Variants in NCALD observed in about 807,000 individuals in gnomAD.
NCALD encodes neurocalcin-delta.
A neutral mutation model predicts 18.6 loss-of-function variants in NCALD; 10 were observed. That is an observed-to-expected ratio of 0.54 (90% confidence interval 0.33 to 0.91). NCALD has a LOEUF of 0.91. Ranked by LOEUF, NCALD falls within the 40% of genes least tolerant of loss-of-function variation. The pLI is 0.03. For synonymous variants in NCALD, 88 were observed against 87.4 expected (o/e 1.01, Z -0.04); for missense variants, 184 against 247.6 (o/e 0.74, Z 1.72).
chr8:101,770,114 GA>G lies in NCALD; in HGVS notation c.-20+20747del, dbSNP rs1455126172. Among the ~76,000 whole-genome samples the G allele has an allele frequency of 2.0e-5, 3 of 152,288 alleles. No homozygotes were observed. In the East Asian group the frequency reaches 5.8e-4, roughly 29 times the overall value. On this transcript the variant is annotated intron_variant, in intron 1 of 3. Transcript: ENST00000220931. ...ATAAGCCAGGAAACATCAGATCCCA[GA>G]AATGCATCCTTTGTGGCCATATATT... is the stretch of plus-strand genomic sequence containing the variant.
chr8:101,881,588 A>T (rs887628250), intron 4 of NCALD, among the ~76,000 whole-genome samples: 4 of 152,206 alleles, frequency 2.6e-5, no homozygotes, highest in Non-Finnish European at 5.9e-5. Flanking sequence ...AAGGACCAAA[A>T]GGCCCTTAAT....
intron 2 of NCALD, among the ~76,000 whole-genome samples, chr8:102,010,364 G>A (rs1224697200): frequency 6.6e-6 from 1 of 152,146 alleles, no homozygotes; most frequent in African/African-American, 2.4e-5. Context: ...AACAGGTGTG[G>A]TGCCCAGGGA....
intron 3 of NCALD, among the ~76,000 whole-genome samples, chr8:101,896,554 A>C (rs1369750407): frequency 6.6e-6 from 1 of 151,986 alleles, no homozygotes; most frequent in Non-Finnish European, 1.5e-5. Context: ...ACAGCAAAAG[A>C]AACTACCATC....
At position 101,951,018 on chromosome 8, in the gene NCALD, T is replaced by C. The variant is rs141353540; in HGVS notation, c.-156-35160A>G. Among the ~76,000 whole-genome samples, 588 of 152,324 alleles carry C rather than the reference T, an allele frequency of 3.9e-3. 8 individuals are homozygous for C. Among genetic ancestry groups the C allele is most frequent in the African/African-American group, 0.013 (560 of 41,580 alleles). On this transcript the variant is annotated intron_variant, in intron 2 of 6. Transcript: ENST00000311028. Reference sequence around the variant, plus strand: ...CCAACTTCCTCTTACCCTTTGGTTTTGGAGGCCGCAGGTGCTAGACCAAGC... The same window carrying C: ...CCAACTTCCTCTTACCCTTTGGTTTCGGAGGCCGCAGGTGCTAGACCAAGC...
At chr8:101,716,696 G>A (rs566724529) in intron 2 of NCALD, among the ~76,000 whole-genome samples, 27 of 152,124 alleles carry the variant, frequency 1.8e-4, no homozygotes, top group African/African-American at 4.3e-4. Flanking sequence ...CTGTGAATAC[G>A]TTAACTTGCA....
chr8:101,957,977 T>G (rs1728562721), intron 2 of NCALD, among the ~76,000 whole-genome samples: 1 of 152,104 alleles, frequency 6.6e-6, no homozygotes, highest in African/African-American at 2.4e-5. Context: ...AAACACTTTT[T>G]CTATTGGACC....
intron 1 of NCALD, among the ~76,000 whole-genome samples, chr8:102,114,585 G>A (rs1825729975): frequency 6.6e-6 from 1 of 152,230 alleles, no homozygotes; most frequent in African/African-American, 2.4e-5. Context: ...GTGGCGATAT[G>A]GAGAGGATAG....
intron 3 of NCALD, among the ~76,000 whole-genome samples, chr8:101,901,681 C>A (rs1817428623): frequency 6.6e-5 from 10 of 152,086 alleles, no homozygotes; most frequent in Admixed American, 6.5e-4. Flanking sequence ...TCAAGAACTA[C>A]ATCGGATAGT....
intron 4 of NCALD, among the ~76,000 whole-genome samples, chr8:101,880,813 A>G (rs764958948): frequency 1.3e-5 from 2 of 152,214 alleles, no homozygotes; most frequent in Non-Finnish European, 2.9e-5. Context: ...GAGGCAGAAA[A>G]GTGCAAAGAT....
chr8:101,714,858 G>A (rs1251984037), intron 2 of NCALD, among the ~76,000 whole-genome samples: 12 of 150,836 alleles, frequency 8.0e-5, no homozygotes, highest in Non-Finnish European at 1.3e-4. Context: ...TTAGCCGGGC[G>A]CGGTGGCGGG....
chr8:101,966,962 T>C (rs972704026), intron 2 of NCALD, among the ~76,000 whole-genome samples: 4 of 152,132 alleles, frequency 2.6e-5, no homozygotes, highest in Non-Finnish European at 5.9e-5. Flanking sequence ...GGGAACAAAT[T>C]AGGATATAAA....
intron 2 of NCALD, among the ~76,000 whole-genome samples, chr8:101,993,083 G>A (rs562263657): frequency 6.8e-6 from 1 of 146,114 alleles, no homozygotes; most frequent in Non-Finnish European, 1.5e-5. Flanking sequence ...AAGGGTCAAA[G>A]GGACAAGCCC....
chr8:101,801,961 C>T (rs1482129654), intron 4 of NCALD, among the ~76,000 whole-genome samples: 2 of 152,128 alleles, frequency 1.3e-5, no homozygotes, highest in African/African-American at 2.4e-5. Context: ...CCACCGCGCC[C>T]GGCCAGCATA....
At chr8:101,694,571 G>A (rs780747691) in intron 2 of NCALD, among the ~76,000 whole-genome samples, 35 of 152,144 alleles carry the variant, frequency 2.3e-4, no homozygotes, top group African/African-American at 4.8e-4. Flanking sequence ...ACTCTGCAGC[G>A]ACTTGGTCTG....
rs931359666 is a variant in NCALD at position 102,054,443 on chromosome 8, T to C, written c.-209-34154A>G. Among the ~76,000 whole-genome samples, 4 of 152,102 alleles carry C rather than the reference T, an allele frequency of 2.6e-5. No individual in the cohort carries two copies. The South Asian group carries it at 8.3e-4, about 32-fold the overall frequency. On this transcript the variant is annotated intron_variant, in intron 1 of 6. Coordinates refer to the NCALD transcript ENST00000311028. The stretch of plus-strand genomic sequence containing the variant: ...GAAACTTGCACCTGTACCCCCTAAA[T>C]ATATAAAAATAAATGACTAAACAAG...
chr8:102,109,660 CT>C, intron 1 of NCALD, among the ~76,000 whole-genome samples: 1 of 152,178 alleles, frequency 6.6e-6, no homozygotes, highest in African/African-American at 2.4e-5. Context: ...TGATAAAGAT[CT>C]TATGTCCACA....
chr8:101,905,563 C>T (rs1207949614), intron 3 of NCALD, among the ~76,000 whole-genome samples: 1 of 152,166 alleles, frequency 6.6e-6, no homozygotes. Context: ...CCATCCCACA[C>T]TATTTAAATT....
At chr8:102,000,664 C>T (rs1480362262) in intron 2 of NCALD, among the ~76,000 whole-genome samples, 2 of 152,200 alleles carry the variant, frequency 1.3e-5, no homozygotes, top group Non-Finnish European at 2.9e-5. Context: ...GCTGGGTAGT[C>T]CTCTGAGACA....
chr8:101,853,286 C>T (rs769679741), intron 4 of NCALD, among the ~76,000 whole-genome samples: 6 of 152,062 alleles, frequency 3.9e-5, no homozygotes, highest in Admixed American at 2.0e-4. Context: ...AAACAGAAAA[C>T]CTGACAGGCC....
Sources: gnomAD v4.1 joint callset for allele counts (sites outside exome capture counted in the v4.1 genomes callset) on GRCh38, gnomAD v4.1.1 for gene constraint, MANE v1.5 for transcripts, NCBI Gene and HGNC (gene_info 2026-07-23, HGNC 2026-07-21) for gene names.